DIP2C: variants seen among roughly 807,000 people sequenced by gnomAD.
The protein encoded by DIP2C is DIP2 acetate--CoA ligase C (putative).
DIP2C carries 33 observed loss-of-function variants against 192.4 expected under a neutral mutation model. That is an observed-to-expected ratio of 0.17 (90% CI 0.13 to 0.23). The LOEUF (loss-of-function observed/expected upper bound fraction) is 0.23, where lower values mean the gene tolerates loss of function less well. Among genes scored for constraint, DIP2C ranks in the 10% least tolerant of loss-of-function variants. DIP2C has a pLI of 1.00. For synonymous variants in DIP2C, 979 were observed against 864.1 expected, an observed-to-expected ratio of 1.13 and a Z score of -2.33; for missense variants, 1,537 against 2,110.1, an observed-to-expected ratio of 0.73 and a Z score of 5.32.
chr10:301,123 G>T (rs1397573368), intron 32 of DIP2C, among the ~76,000 whole-genome samples: 1 of 152,178 alleles, frequency 6.6e-6, no homozygotes, highest in African/African-American at 2.4e-5. Flanking sequence ...GCCTTGCCGG[G>T]TGCCACCAGG....
Position 409,007 on chromosome 10 carries a change from C to G in DIP2C, c.1068G>C (p.Trp356Cys). 1 of 1,614,098 alleles carries G rather than the reference C, an allele frequency of 6.2e-7. No homozygotes were observed. The highest frequency in any genetic ancestry group is 8.5e-7 in the Non-Finnish European group (1 of 1,179,998). ...TGTAAGCGACCTTCATACTTCTTGT[C>G]CACAGCTTGCCTATGAATACAAATC... ...PLYILTYGKL[W>C]TRSMKVAYSI... The change falls in exon 9 of 37, where the codon TGG becomes TGC. Residue 356 changes from tryptophan to cysteine, a missense_variant. This residue lies in a region of DIP2C where 473 missense variants were observed against 539.6 expected (regional missense o/e 0.88). Transcript: ENST00000280886.
intron 1 of DIP2C, among the ~76,000 whole-genome samples, chr10:497,512 C>A (rs181178730): frequency 4.9e-4 from 74 of 152,284 alleles, no homozygotes; most frequent in African/African-American, 1.5e-3. Flanking sequence ...GAGAAGCAGG[C>A]GTCCTTCACT....
intron 34 of DIP2C, 106 bp downstream of exon 34, chr10:286,167 C>T (rs963449791): frequency 1.2e-5 from 12 of 1,029,030 alleles, no homozygotes; most frequent in East Asian, 2.4e-5. Flanking sequence ...CAGCTCAAAC[C>T]GGTGTGTGGC....
intron 1 of DIP2C, among the ~76,000 whole-genome samples, chr10:495,732 ATCTC>A (rs905853296): frequency 6.8e-6 from 1 of 146,200 alleles, no homozygotes; most frequent in East Asian, 2.1e-4. Flanking sequence ...GTACTTAAAA[ATCTC>A]TCTTACTCGC....
intron 1 of DIP2C, among the ~76,000 whole-genome samples, chr10:647,928 G>A (rs1034060513): frequency 3.6e-4 from 54 of 150,952 alleles, no homozygotes; most frequent in Middle Eastern, 3.5e-3. Context: ...CTGAATCCAC[G>A]TCCACATTTG....
At chr10:382,616 G>T in intron 17 of DIP2C, 31 bp downstream of exon 17, 1 of 1,539,850 alleles carries the variant, frequency 6.5e-7, no homozygotes, top group Non-Finnish European at 9.0e-7. Flanking sequence ...CTGTCTCTAG[G>T]TTATCTACGT....
intron 1 of DIP2C, among the ~76,000 whole-genome samples, chr10:582,834 G>A (rs942261644): frequency 2.0e-5 from 3 of 152,148 alleles, no homozygotes; most frequent in Non-Finnish European, 4.4e-5. Flanking sequence ...GACAAAACCT[G>A]GAGGTTCTAA....
chr10:605,905 A>G (rs1480761381), intron 1 of DIP2C, among the ~76,000 whole-genome samples: 1 of 152,198 alleles, frequency 6.6e-6, no homozygotes, highest in Non-Finnish European at 1.5e-5. Context: ...AGCCCACTGC[A>G]GCCTTTCAGG....
At chr10:616,226 C>G (rs1344162012) in intron 1 of DIP2C, among the ~76,000 whole-genome samples, 2 of 152,212 alleles carry the variant, frequency 1.3e-5, no homozygotes, top group Admixed American at 6.5e-5. Context: ...CGTTTGTAAT[C>G]TGGACCGCAA....
In DIP2C at chr10:683,182, G is replaced by T. The variant is rs1831193142; in HGVS notation, c.85+6312C>A. Among the ~76,000 whole-genome samples the T allele has an allele frequency of 2.0e-5, 3 of 152,300 alleles. No individual in the cohort carries two copies. In the South Asian group the frequency reaches 6.2e-4, roughly 32 times the overall value. On this transcript the variant is annotated intron_variant, in intron 1 of 36. Transcript: ENST00000280886. The stretch of plus-strand genomic sequence containing the variant: ...CAACTCAATGTCTTAGCACTTTCCT[G>T]CCTTGTTGCTTTCAAGGGCTTATTA...
intron 1 of DIP2C, chr10:650,915 G>A (rs1218287543): frequency 5.6e-6 from 4 of 716,964 alleles, no homozygotes; most frequent in Admixed American, 4.0e-5. Flanking sequence ...AGCTGAGGGT[G>A]TGTCCATGCA....
intron 1 of DIP2C, among the ~76,000 whole-genome samples, chr10:628,416 G>A (rs998859091): frequency 6.6e-6 from 1 of 152,228 alleles, no homozygotes; most frequent in African/African-American, 2.4e-5. Context: ...GCCATTTACA[G>A]CCATATAGAT....
In DIP2C at chr10:486,550, A is replaced by G; in HGVS notation, c.86-20T>C. ...TGTCACCTGCAAGAGAAGGAAAATG[A>G]AGTTCAGTATGGTCTCCGTGGATAG... On this transcript the variant is annotated intron_variant, in intron 1 of 36. Coordinates refer to ENST00000280886, the MANE Select transcript of DIP2C (RefSeq NM_014974.3). The G allele has an allele frequency of 6.3e-7, 1 of 1,599,372 alleles. No individual in the cohort carries two copies. Among genetic ancestry groups the G allele is most frequent in the Non-Finnish European group, 8.5e-7 (1 of 1,172,896 alleles).
chr10:597,232 T>A (rs1851762245), intron 1 of DIP2C, among the ~76,000 whole-genome samples: 1 of 152,154 alleles, frequency 6.6e-6, no homozygotes, highest in Non-Finnish European at 1.5e-5. Context: ...CTGGGTGGGA[T>A]CTGCACCCTC....
chr10:662,901 T>C (rs1856846966), intron 1 of DIP2C: 2 of 717,536 alleles, frequency 2.8e-6, no homozygotes, highest in Non-Finnish European at 5.2e-6. Context: ...GGAAGAGGCG[T>C]GAACACTCTC....
chr10:354,806 T>C (rs1384017951), intron 24 of DIP2C, among the ~76,000 whole-genome samples: 1 of 151,838 alleles, frequency 6.6e-6, no homozygotes, highest in Non-Finnish European at 1.5e-5. Context: ...GTCACCACGT[T>C]GGAGATGATA....
At chr10:536,325 T>C (rs1175024688) in intron 1 of DIP2C, among the ~76,000 whole-genome samples, 1 of 152,246 alleles carries the variant, frequency 6.6e-6, no homozygotes, top group Non-Finnish European at 1.5e-5. Context: ...GGATATCTCC[T>C]GAGAGCATGG....
intron 32 of DIP2C, among the ~76,000 whole-genome samples, chr10:299,272 A>T (rs1413777661): frequency 6.6e-6 from 1 of 152,190 alleles, no homozygotes; most frequent in African/African-American, 2.4e-5. Flanking sequence ...TTTAATATTG[A>T]TCCAATATTT....
intron 3 of DIP2C, among the ~76,000 whole-genome samples, chr10:469,563 C>T (rs1272788354): frequency 5.9e-5 from 9 of 152,178 alleles, no homozygotes; most frequent in South Asian, 4.2e-4. Context: ...GTGATCTGCC[C>T]GCCTCGGCCT....
Sources: gnomAD v4.1 joint callset for allele counts (sites outside exome capture counted in the v4.1 genomes callset) on GRCh38, gnomAD v4.1.1 for gene constraint, gnomAD v4.1.1 regional missense constraint, MANE v1.5 for transcripts, NCBI Gene and HGNC (gene_info 2026-07-23, HGNC 2026-07-21) for gene names.